UNK: variants seen among roughly 807,000 people sequenced by gnomAD.
The protein encoded by UNK is RING finger protein unkempt homolog.
Under a neutral mutation model 97.6 loss-of-function variants are expected in UNK, and 32 were observed. The ratio of observed to expected loss-of-function variants is 0.33; its 90% confidence interval spans 0.25 to 0.44. The LOEUF is 0.44. Ranked by LOEUF, UNK falls within the 20% of genes least tolerant of loss-of-function variation. The probability of loss-of-function intolerance (pLI) is 1.00; values close to 1 mark genes in which losing one functional copy is unlikely to be tolerated. For synonymous variants in UNK, 441 were observed against 461.2 expected, an observed-to-expected ratio of 0.96 and a Z score of 0.56; for missense variants, 771 against 1,098.4, an observed-to-expected ratio of 0.70 and a Z score of 4.21.
rs144028742 is a variant in UNK at position 75,810,125 on chromosome 17, G to A, written c.314+156G>A. Among the ~76,000 whole-genome samples, 30 of 152,342 alleles carry A rather than the reference G, an allele frequency of 2.0e-4. 1 individual carries two copies. In the East Asian group the frequency reaches 3.3e-3, roughly 17 times the overall value. ...GGACTCAGACCCCACCATCCCTGGC[G>A]GTAGGCTGCGGGGAGGTACCATTTC... On this transcript the variant is annotated intron_variant, in intron 2 of 15. Transcript: ENST00000589666.
rs1267435015 is a variant in UNK, at chr17:75,819,578, G to A, written c.1547-106G>A. On this transcript the variant is annotated intron_variant, in intron 11 of 15. Coordinates refer to ENST00000589666, the MANE Select transcript of UNK (RefSeq NM_001080419.3). This position sits in a 1 kb window ranked among gnomAD's most constrained non-coding sequence, Gnocchi z 5.4. ...AGGGCACAGGGGCTTGGGAGAATAC[G>A]GACCCAGCGTAGCATGGGCGTGAAG... 12 of 1,032,710 alleles carry A rather than the reference G, an allele frequency of 1.2e-5. No homozygotes were observed. The highest frequency in any genetic ancestry group is 4.9e-5 in the East Asian group (2 of 41,100). 64.0% of individuals were successfully genotyped at this position (1,032,710 alleles called of 1,614,324 possible).
intron 1 of UNK, chr17:75,793,971 A>G (rs1438149871): frequency 3.0e-6 from 3 of 985,208 alleles, no homozygotes; most frequent in African/African-American, 1.7e-5. Flanking sequence ...GAACATTACT[A>G]TACGTTTCTG....
chr17:75,824,347 G>A lies in UNK; in HGVS notation c.2363G>A (p.Cys788Tyr). The A allele has an allele frequency of 6.3e-7, 1 of 1,599,956 alleles. No individual in the cohort carries two copies. The highest frequency in any genetic ancestry group is 1.1e-5 in the South Asian group (1 of 89,526). Reference protein sequence around the residue: ...AVLPCQHAALCELCAEGSECP... With the variant: ...AVLPCQHAALYELCAEGSECP... ...CTGCCGTGCCAACACGCTGCGCTGT[G>A]TGAGCTCTGCGCTGAGGGCAGCGAG... is the stretch of plus-strand genomic sequence containing the variant. The change falls in exon 16 of 16, where the codon TGT (cysteine) becomes TAT (tyrosine). Residue 788 changes from cysteine to tyrosine, a missense_variant. Physicochemically the swap from Cys to Tyr is radical, Grantham distance 194 (BLOSUM62 -2). This residue lies in a region of UNK where 208 missense variants were observed against 257.4 expected (regional missense o/e 0.81). Coordinates refer to ENST00000589666, the MANE Select transcript of UNK (RefSeq NM_001080419.3). The surrounding 1 kb of genome is among the most constrained non-coding windows in gnomAD (Gnocchi z 4.9).
At chr17:75,793,470 A>C in intron 1 of UNK, 1 of 985,332 alleles carries the variant, frequency 1.0e-6, no homozygotes, top group Non-Finnish European at 1.2e-6. Flanking sequence ...CAGTATCAAG[A>C]GCTGAGGAGA....
chr17:75,819,818 G>C lies in UNK; in HGVS notation c.1648+33G>C. ...GTGTGGGTGGGCAGGGCAGCCTGGA[G>C]GACTCCTCGGGTTCCTGCCTGGCTC... On this transcript the variant is annotated intron_variant, in intron 12 of 15. Transcript: ENST00000589666. The surrounding 1 kb of genome is among the most constrained non-coding windows in gnomAD (Gnocchi z 5.4). The C allele has an allele frequency of 6.2e-7, 1 of 1,612,646 alleles. No homozygotes were observed. The highest frequency in any genetic ancestry group is 2.2e-5 in the East Asian group (1 of 44,886).
Position 75,787,462 on chromosome 17 carries a change from G to A in UNK, c.104+2478G>A, listed in dbSNP as rs113442083. 8.4e-3 allele frequency among the ~76,000 whole-genome samples: 1,271 copies of A among 150,576 alleles called. 13 individuals carry two copies. Among genetic ancestry groups the A allele is most frequent in the Middle Eastern group, 0.032 (9 of 284 alleles). On this transcript the variant is annotated intron_variant, in intron 1 of 15. Coordinates refer to ENST00000589666, the MANE Select transcript of UNK (RefSeq NM_001080419.3). ...ATCGAGCAGGCGCAAGCAATCTACT[G>A]TTGGGCCTTGGCCTCCCAAAGTGCT...
chr17:75,787,521 T>TC (rs2061723852), intron 1 of UNK, among the ~76,000 whole-genome samples: 1 of 150,568 alleles, frequency 6.6e-6, no homozygotes, highest in African/African-American at 2.5e-5. Flanking sequence ...TTTTTTTTTT[T>TC]TCCTCTTCTT....
In UNK at chr17:75,813,197, C is replaced by G; in HGVS notation, c.742C>G (p.Arg248Gly). 1 of 1,586,156 alleles carries G rather than the reference C, an allele frequency of 6.3e-7. No individual in the cohort carries two copies. Among genetic ancestry groups the G allele is most frequent in the South Asian group, 1.1e-5 (1 of 87,150 alleles). ...CAGCAAGGACCGGCGGCGGAGCCCCCGGAAGCACAAATACAGGTCCTTAGG... is the reference window on the plus strand; with the variant it reads ...CAGCAAGGACCGGCGGCGGAGCCCCGGGAAGCACAAATACAGGTCCTTAGG... The part of the protein sequence containing the change: ...HNSKDRRRSP[R>G]KHKYRSSPCP... The change falls in exon 5 of 16, where the codon CGG becomes GGG. Residue 248 changes from arginine (R) to glycine (G), a missense_variant. Arg to Gly is a moderately radical substitution (Grantham distance 125). Coordinates refer to ENST00000589666, the MANE Select transcript of UNK (RefSeq NM_001080419.3).
At chr17:75,814,749 C>G (rs2062002016) in intron 6 of UNK, among the ~76,000 whole-genome samples, 1 of 152,214 alleles carries the variant, frequency 6.6e-6, no homozygotes, top group Non-Finnish European at 1.5e-5. Context: ...CCTTATGTAG[C>G]TGCAGACAGC....
chr17:75,792,116 T>C (rs1344263814), intron 1 of UNK: 1 of 963,668 alleles, frequency 1.0e-6, no homozygotes, highest in East Asian at 1.1e-4. Context: ...ATCTGCAGGC[T>C]TTCCTGCCAG....
At chr17:75,807,175 G>A (rs748174689) in intron 1 of UNK, among the ~76,000 whole-genome samples, 26 of 152,220 alleles carry the variant, frequency 1.7e-4, no homozygotes, top group Non-Finnish European at 3.2e-4. Flanking sequence ...ATGAGGCACT[G>A]ACACCAGGCA....
At position 75,805,312 on chromosome 17, in the gene UNK, C is replaced by T. The variant is rs1179203350; in HGVS notation, c.105-4448C>T. On this transcript the variant is annotated intron_variant, in intron 1 of 15. Transcript: ENST00000589666. ...ACCTGGGAGGCTGAAGTGGGAGGAT[C>T]GCCTGAGCCCAGGAGGTTGAGGCTG... 2.7e-5 allele frequency among the ~76,000 whole-genome samples: 4 copies of T among 148,016 alleles called. No homozygotes were observed. The Admixed American group carries it at 2.7e-4, about 10-fold the overall frequency.
At chr17:75,813,677 A>AT in intron 5 of UNK, 84 bp from the exon 6 acceptor site, 1 of 1,192,604 alleles carries the variant, frequency 8.4e-7, no homozygotes, top group Non-Finnish European at 1.2e-6. Flanking sequence ...GCTCATGCCT[A>AT]TGAGGCTGGG....
At chr17:75,791,717 G>C (rs2061765597) in intron 1 of UNK, 1 of 984,226 alleles carries the variant, frequency 1.0e-6, no homozygotes, top group African/African-American at 1.7e-5. Flanking sequence ...AATTATTAAA[G>C]TCAAGATTTG....
At chr17:75,788,903 C>G (rs935809654) in intron 1 of UNK, among the ~76,000 whole-genome samples, 1 of 152,316 alleles carries the variant, frequency 6.6e-6, no homozygotes, top group African/African-American at 2.4e-5. Context: ...TCCAGAGACA[C>G]TTGTGTGATA....
chr17:75,812,403 TTGCCCCCTCA>T, intron 3 of UNK, 42 bp from the exon 4 acceptor site: 1 of 1,589,948 alleles, frequency 6.3e-7, no homozygotes. Flanking sequence ...ACTCTGGTTC[TTGCCCCCTCA>T]TGCCCCCTCT....
At chr17:75,820,319 A>G (rs547889578) in intron 13 of UNK, among the ~76,000 whole-genome samples, 1 of 152,232 alleles carries the variant, frequency 6.6e-6, no homozygotes, top group Non-Finnish European at 1.5e-5. Context: ...TGAAATGGGT[A>G]TAACGGCAGC....
At chr17:75,820,209 G>C in intron 13 of UNK, 101 bp downstream of exon 13, 2 of 1,313,194 alleles carry the variant, frequency 1.5e-6, no homozygotes, top group Non-Finnish European at 1.0e-6. Context: ...GCTAGGCTGG[G>C]GGTTAGGGCA....
chr17:75,816,705 C>T lies in UNK; in HGVS notation c.962-65C>T. On this transcript the variant is annotated intron_variant, in intron 7 of 15. Coordinates refer to ENST00000589666, the MANE Select transcript of UNK (RefSeq NM_001080419.3). The surrounding 1 kb of genome is among the most constrained non-coding windows in gnomAD (Gnocchi z 4.0). ...TTTGTGGTCTCCTTTGGAAGGGACCCAGGAGCATTTTTGGAGGGACAGAGC... is the reference window on the plus strand; with the variant it reads ...TTTGTGGTCTCCTTTGGAAGGGACCTAGGAGCATTTTTGGAGGGACAGAGC... The T allele has an allele frequency of 6.5e-7, 1 of 1,529,200 alleles. No homozygotes were observed. Among genetic ancestry groups the T allele is most frequent in the Non-Finnish European group, 8.8e-7 (1 of 1,141,640 alleles). The allele number at this position is 1,529,200 out of a possible 1,614,324, so 94.7% of individuals were successfully genotyped here. A position where few individuals can be genotyped will look rare whatever the true frequency, so the allele number is the denominator to read the frequency against.
Sources: gnomAD v4.1 joint callset for allele counts (sites outside exome capture counted in the v4.1 genomes callset) on GRCh38, gnomAD v4.1.1 for gene constraint, gnomAD v4.1.1 regional missense constraint, Gnocchi (gnomAD v3.1) non-coding constraint, MANE v1.5 for transcripts, NCBI Gene and HGNC (gene_info 2026-07-23, HGNC 2026-07-21) for gene names.